Variants in UBE2V1 observed in about 807,000 individuals in gnomAD.
UBE2V1 encodes ubiquitin-conjugating enzyme E2 variant 1.
A neutral mutation model predicts 19.6 loss-of-function variants in UBE2V1; 15 were observed. The observed-to-expected ratio is 0.77, with a 90% CI of 0.51 to 1.18. The LOEUF is 1.18. Ranked by LOEUF, UBE2V1 falls within the 50% of genes most tolerant of loss-of-function variation. The pLI is 0.00. For missense variants in UBE2V1, 125 were observed against 184.8 expected (o/e 0.68, Z 1.88); for synonymous variants, 60 against 60.7 (o/e 0.99, Z 0.05).
At chr20:50,087,773 C>T (rs1367652820) in intron 2 of UBE2V1, among the ~76,000 whole-genome samples, 2 of 152,136 alleles carry the variant, frequency 1.3e-5, no homozygotes, top group African/African-American at 2.4e-5. Flanking sequence ...AAAATAACTA[C>T]AATCTACATG....
intron 2 of UBE2V1, chr20:50,095,064 C>CA (rs2079543156): frequency 6.6e-6 from 1 of 152,100 alleles, no homozygotes; most frequent in Non-Finnish European, 1.5e-5. Context: ...TGAAAGTGTA[C>CA]AATTCAGTGG....
intron 2 of UBE2V1, among the ~76,000 whole-genome samples, chr20:50,094,455 T>C (rs1053359445): frequency 4.0e-5 from 6 of 151,604 alleles, no homozygotes; most frequent in African/African-American, 1.5e-4. Flanking sequence ...TTATTTATAA[T>C]AGCCAAAAGG....
At position 50,082,881 on chromosome 20, in the gene UBE2V1, A is replaced by G; in HGVS notation, c.331T>C (p.Trp111Arg). 6.2e-7 allele frequency: 1 copy of G among 1,611,344 alleles called. No individual in the cohort carries two copies. The highest frequency in any genetic ancestry group is 1.1e-5 in the South Asian group (1 of 91,076). ...ACTTTGATGCTATATGAATTCTGCC[A>G]TTTTGCTAGCACTGATATGGCTCTT... ...DPRAISVLAK[W>R]QNSYSIKVVL... The change falls in exon 4 of 4, where the codon TGG (tryptophan) becomes CGG (arginine). Residue 111 changes from tryptophan to arginine, a missense_variant. Around this residue, in one of 3 missense-constraint regions of UBE2V1, gnomAD observed 78 missense variants for 108.8 expected, o/e 0.72. Coordinates refer to ENST00000371674, the MANE Select transcript of UBE2V1 (RefSeq NM_001032288.3).
chr20:50,088,686 T>A (rs1057010431), intron 2 of UBE2V1, among the ~76,000 whole-genome samples: 1 of 150,592 alleles, frequency 6.6e-6, no homozygotes, highest in African/African-American at 2.5e-5. Context: ...CTTCGGAGGC[T>A]GAGGCAGGAG....
At chr20:50,109,526 G>A (rs574975713) in intron 1 of UBE2V1, among the ~76,000 whole-genome samples, 24 of 152,160 alleles carry the variant, frequency 1.6e-4, no homozygotes, top group Non-Finnish European at 3.2e-4. Context: ...TGAGACGGGC[G>A]GATCATGAGG....
At chr20:50,085,552 C>T (rs756214876) in intron 2 of UBE2V1, among the ~76,000 whole-genome samples, 31 of 151,968 alleles carry the variant, frequency 2.0e-4, no homozygotes, top group Non-Finnish European at 2.9e-4. Flanking sequence ...GTGCCTTCTC[C>T]GGCATCAGTA....
rs1457939922 is a variant in UBE2V1, at chr20:50,112,808, C to T, written c.22+299G>A. 2.6e-5 allele frequency among the ~76,000 whole-genome samples: 4 copies of T among 152,136 alleles called. No homozygotes were observed. In the East Asian group the frequency reaches 7.7e-4, roughly 29 times the overall value. ...CCAGCCCCGGTATCCTCAGGAGTGC[C>T]TCGGAGCTCGCTCCTCGCCCACTCC... On this transcript the variant is annotated intron_variant, in intron 1 of 3. Transcript: ENST00000371674.
In UBE2V1 at chr20:50,087,166, T is replaced by C. The variant is rs540136396; in HGVS notation, c.172-2912A>G. Among the ~76,000 whole-genome samples the C allele has an allele frequency of 2.6e-5, 4 of 151,594 alleles. No individual in the cohort carries two copies. The South Asian group carries it at 6.3e-4, about 24-fold the overall frequency. On this transcript the variant is annotated intron_variant, in intron 2 of 3. Transcript: ENST00000371674. ...ATCTCGGCATCTGGGGGGGCCGAGGTGGGTGGATAACCTGAGGTCAGGAGT... is the reference window on the plus strand; with the variant it reads ...ATCTCGGCATCTGGGGGGGCCGAGGCGGGTGGATAACCTGAGGTCAGGAGT...
chr20:50,083,371 G>A (rs1051338849), intron 3 of UBE2V1, among the ~76,000 whole-genome samples: 5 of 152,244 alleles, frequency 3.3e-5, no homozygotes, highest in Non-Finnish European at 7.3e-5. Context: ...TCAGGTTAAG[G>A]CAGCATTTCC....
At chr20:50,108,871 G>A (rs2080560760) in intron 1 of UBE2V1, 1 of 936,284 alleles carries the variant, frequency 1.1e-6, no homozygotes, top group African/African-American at 1.8e-5. Context: ...TATAAAAAGG[G>A]TTCCTGAAAC....
At chr20:50,112,988 G>C (rs2147237293) in intron 1 of UBE2V1, 119 bp downstream of exon 1, 1 of 436,642 alleles carries the variant, frequency 2.3e-6, no homozygotes, top group South Asian at 9.2e-5. Context: ...CTGCCGCGGA[G>C]CCCAGCAGAC....
chr20:50,081,890 C>T lies in UBE2V1; in HGVS notation c.*878G>A, dbSNP rs1041683241. 11 of 263,394 alleles carry T rather than the reference C, an allele frequency of 4.2e-5. No homozygotes were observed. The highest frequency in any genetic ancestry group is 7.1e-5 in the Non-Finnish European group (10 of 140,172). The allele number at this position is 263,394 out of a possible 1,614,324, so 16.3% of individuals were successfully genotyped here. A position where few individuals can be genotyped will look rare whatever the true frequency, so the allele number is the denominator to read the frequency against. ...AGCAGAGGGTGGCAGGGCTGAGGAC[C>T]CAATATTCATTTCCCAGGCTGGTGG... On this transcript the variant is annotated 3_prime_UTR_variant, in exon 4 of 4. Coordinates refer to ENST00000371674, the MANE Select transcript of UBE2V1 (RefSeq NM_001032288.3).
chr20:50,104,220 TAC>T (rs1005335073), intron 1 of UBE2V1, among the ~76,000 whole-genome samples: 2 of 139,736 alleles, frequency 1.4e-5, no homozygotes, highest in Admixed American at 7.7e-5. Flanking sequence ...AGGCGGAGGT[TAC>T]AGTGAGCCGA....
intron 2 of UBE2V1, among the ~76,000 whole-genome samples, chr20:50,091,685 G>A (rs767801232): frequency 1.3e-5 from 2 of 152,066 alleles, no homozygotes; most frequent in East Asian, 1.9e-4. Flanking sequence ...GAGTTACCAC[G>A]CCCCGCCTCA....
chr20:50,083,641 G>T (rs1336707784), intron 3 of UBE2V1: 1 of 153,358 alleles, frequency 6.5e-6, no homozygotes, highest in African/African-American at 2.4e-5. Context: ...ATGGAGTCAA[G>T]ATTTATTAAC....
upstream of UBE2V1, chr20:50,113,210 C>T: frequency 8.6e-7 from 1 of 1,163,576 alleles, no homozygotes; most frequent in Non-Finnish European, 1.1e-6. Flanking sequence ...CAGGCGCGCG[C>T]GCACGCACAT....
At chr20:50,104,231 G>A (rs970972976) in intron 1 of UBE2V1, 11 of 879,576 alleles carry the variant, frequency 1.3e-5, no homozygotes, top group African/African-American at 7.8e-5. Flanking sequence ...ACAGTGAGCC[G>A]AGATCGCGCC....
intron 1 of UBE2V1, among the ~76,000 whole-genome samples, chr20:50,106,673 A>G (rs2080378746): frequency 6.8e-6 from 1 of 146,576 alleles, no homozygotes; most frequent in Admixed American, 6.9e-5. Context: ...TCCACTAAAA[A>G]TACAAAATTA....
At chr20:50,094,010 A>AAAT (rs1322348656) in intron 2 of UBE2V1, among the ~76,000 whole-genome samples, 1,490 of 94,278 alleles carry the variant, frequency 0.016, 7 homozygotes, top group African/African-American at 0.041. Context: ...AAAAAAAAAA[A>AAAT]AATAATAATA....
Sources: allele counts gnomAD v4.1 joint callset (sites outside exome capture counted in the v4.1 genomes callset), GRCh38; gene constraint gnomAD v4.1.1; regional missense constraint gnomAD v4.1.1; transcripts MANE v1.5; gene names NCBI Gene and HGNC (gene_info 2026-07-23, HGNC 2026-07-21).